Variants in OTOGL observed in about 807,000 individuals in gnomAD.
OTOGL encodes otogelin-like protein.
A neutral mutation model predicts 318.5 loss-of-function variants in OTOGL; 285 were observed. That is an observed-to-expected ratio of 0.89 (90% CI 0.81 to 0.99). The LOEUF (loss-of-function observed/expected upper bound fraction) is 0.99, where lower values mean the gene tolerates loss of function less well. Among genes scored for constraint, OTOGL ranks in the 50% least tolerant of loss-of-function variants. The pLI, the probability that OTOGL is intolerant of heterozygous loss-of-function variation, is 0.00. For synonymous variants in OTOGL, 987 were observed against 936.5 expected, an observed-to-expected ratio of 1.05 and a Z score of -0.99; for missense variants, 2,899 against 2,845.6, an observed-to-expected ratio of 1.02 and a Z score of -0.43.
intron 1 of OTOGL, among the ~76,000 whole-genome samples, chr12:80,115,611 G>T (rs1268981313): frequency 6.6e-6 from 1 of 152,346 alleles, no homozygotes; most frequent in African/African-American, 2.4e-5. Flanking sequence ...AGAGCCAGCA[G>T]TCAAGAACAT....
intron 42 of OTOGL, 69 bp downstream of exon 42, chr12:80,337,073 A>G (rs1888459982): frequency 1.7e-6 from 2 of 1,183,690 alleles, no homozygotes. Context: ...GTTATTTCCA[A>G]TAAGAGGGAA....
intron 54 of OTOGL, 124 bp downstream of exon 54, chr12:80,367,863 C>G (rs1890646723): frequency 8.9e-6 from 6 of 672,082 alleles, no homozygotes; most frequent in Non-Finnish European, 1.3e-5. Flanking sequence ...CTTCAATAGT[C>G]TACTATTTTG....
chr12:80,250,626 T>G (rs1356776778), intron 11 of OTOGL, among the ~76,000 whole-genome samples: 1 of 151,862 alleles, frequency 6.6e-6, no homozygotes, highest in Non-Finnish European at 1.5e-5. Context: ...GCTCAGTCCT[T>G]TTTTCGTTCT....
intron 9 of OTOGL, among the ~76,000 whole-genome samples, chr12:80,237,988 T>C (rs1174170782): frequency 6.6e-6 from 1 of 152,156 alleles, no homozygotes; most frequent in African/African-American, 2.4e-5. Flanking sequence ...TTTTGCCAAG[T>C]CTTTGAGCTT....
In OTOGL at chr12:80,378,329, C is replaced by T. The variant is rs1451484111; in HGVS notation, c.*281C>T. On this transcript the variant is annotated 3_prime_UTR_variant, in exon 59 of 59. Coordinates refer to ENST00000547103, the MANE Select transcript of OTOGL (RefSeq NM_001378609.3). ...CAACTTGGTGCAGATACAGTATATT[C>T]TCATCAACTGGAAGGTTATTTTGCA... 1 of 257,092 alleles carries T rather than the reference C, an allele frequency of 3.9e-6. No homozygotes were observed. Among genetic ancestry groups the T allele is most frequent in the African/African-American group, 2.2e-5 (1 of 45,016 alleles). 15.9% of individuals were successfully genotyped at this position (257,092 alleles called of 1,614,324 possible).
intron 44 of OTOGL, among the ~76,000 whole-genome samples, chr12:80,347,604 G>A (rs1172919211): frequency 2.0e-5 from 3 of 151,936 alleles, no homozygotes; most frequent in African/African-American, 7.2e-5. Flanking sequence ...ATAAACATAT[G>A]TAGAATGATT....
At chr12:80,103,829 G>C (rs1362175969) in intron 1 of OTOGL, among the ~76,000 whole-genome samples, 2 of 152,206 alleles carry the variant, frequency 1.3e-5, no homozygotes, top group Non-Finnish European at 2.9e-5. Flanking sequence ...AAATGGGCCT[G>C]TAATGATGTA....
chr12:80,308,332 G>C (rs1436956486), intron 29 of OTOGL, among the ~76,000 whole-genome samples: 1 of 151,420 alleles, frequency 6.6e-6, no homozygotes, highest in Non-Finnish European at 1.5e-5. Flanking sequence ...TTCTCAGACG[G>C]GGCGTCCGGG....
At chr12:80,136,769 C>T (rs1419411921) in intron 1 of OTOGL, among the ~76,000 whole-genome samples, 1 of 152,152 alleles carries the variant, frequency 6.6e-6, no homozygotes, top group Non-Finnish European at 1.5e-5. Context: ...CCAGCTATCT[C>T]TTCATTCTCT....
intron 13 of OTOGL, 59 bp from the exon 14 acceptor site, chr12:80,253,407 C>A: frequency 6.9e-7 from 1 of 1,446,638 alleles, no homozygotes; most frequent in Non-Finnish European, 9.7e-7. Flanking sequence ...TATTATATTC[C>A]AGAAATACAA....
chr12:80,149,012 G>A (rs954230236), intron 1 of OTOGL, among the ~76,000 whole-genome samples: 1 of 152,112 alleles, frequency 6.6e-6, no homozygotes, highest in African/African-American at 2.4e-5. Context: ...TCCTCCTGTA[G>A]CTCAGAGTAA....
At chr12:80,253,369 G>T (rs555806898) in intron 13 of OTOGL, 97 bp from the exon 14 acceptor site, 5 of 1,063,642 alleles carry the variant, frequency 4.7e-6, no homozygotes, top group East Asian at 2.5e-5. Flanking sequence ...AGCATCATGC[G>T]TAGGTATTCA....
chr12:80,293,883 G>A (rs1885210950), intron 26 of OTOGL, among the ~76,000 whole-genome samples: 2 of 152,144 alleles, frequency 1.3e-5, no homozygotes, highest in Non-Finnish European at 2.9e-5. Flanking sequence ...TAAGGCTATG[G>A]TATCAGCAGA....
At chr12:80,130,540 A>G (rs1871174645) in intron 1 of OTOGL, among the ~76,000 whole-genome samples, 1 of 152,194 alleles carries the variant, frequency 6.6e-6, no homozygotes, top group South Asian at 2.1e-4. Flanking sequence ...CAAGTTCTCA[A>G]AGGAAATGGA....
chr12:80,171,069 AG>A (rs759719981), intron 1 of OTOGL, among the ~76,000 whole-genome samples: 10 of 151,818 alleles, frequency 6.6e-5, no homozygotes, highest in Non-Finnish European at 1.3e-4. Flanking sequence ...TGTGAGTCAT[AG>A]GTTAGGATTA....
At chr12:80,289,380 C>T (rs1490970384) in intron 26 of OTOGL, among the ~76,000 whole-genome samples, 1 of 152,174 alleles carries the variant, frequency 6.6e-6, no homozygotes, top group African/African-American at 2.4e-5. Context: ...GGGTCAGGGA[C>T]CCACTTGAGG....
At chr12:80,256,496 T>TCCATCAAA in intron 17 of OTOGL, 36 bp downstream of exon 17, 2 of 1,391,490 alleles carry the variant, frequency 1.4e-6, no homozygotes, top group Non-Finnish European at 1.9e-6. Flanking sequence ...TTTCTTTACA[T>TCCATCAAA]CAAACAAACA....
chr12:80,130,037 T>C (rs941361724), intron 1 of OTOGL, among the ~76,000 whole-genome samples: 4 of 151,886 alleles, frequency 2.6e-5, no homozygotes, highest in African/African-American at 9.7e-5. Context: ...TTCTATCTCC[T>C]TTTTTTTCTT....
At chr12:80,277,234 AT>A (rs1304386801) in intron 24 of OTOGL, among the ~76,000 whole-genome samples, 2 of 146,714 alleles carry the variant, frequency 1.4e-5, no homozygotes, top group African/African-American at 2.5e-5. Flanking sequence ...TATTTATTAT[AT>A]TTATAATTAA....
Sources: allele counts gnomAD v4.1 joint callset (sites outside exome capture counted in the v4.1 genomes callset), GRCh38; gene constraint gnomAD v4.1.1; transcripts MANE v1.5; gene names NCBI Gene and HGNC (gene_info 2026-07-23, HGNC 2026-07-21).